The following PSD3 variants were observed in gnomAD, a reference collection of about 807,000 sequenced individuals.
The protein encoded by PSD3 is pleckstrin and Sec7 domain containing 3.
Under a neutral mutation model 105.5 loss-of-function variants are expected in PSD3, and 49 were observed. The observed-to-expected ratio is 0.46, with a 90% CI of 0.37 to 0.59. The LOEUF (loss-of-function observed/expected upper bound fraction) is 0.59, where lower values mean the gene tolerates loss of function less well. PSD3 is among the 20% of genes least tolerant of loss of function. The pLI is 0.00. For missense variants in PSD3, 1,561 were observed against 1,263.8 expected (o/e 1.24, Z -3.57); for synonymous variants, 557 against 457.8 (o/e 1.22, Z -2.77).
At chr8:18,660,725 T>C (rs1809286307) in intron 9 of PSD3, among the ~76,000 whole-genome samples, 1 of 152,222 alleles carries the variant, frequency 6.6e-6, no homozygotes. Context: ...GTAACTCTGA[T>C]TGGAAGCCTT....
chr8:18,975,319 T>TAAA (rs1563479166), intron 1 of PSD3, among the ~76,000 whole-genome samples: 17 of 120,774 alleles, frequency 1.4e-4, no homozygotes, highest in Admixed American at 6.9e-4. Context: ...CTGAAATTTT[T>TAAA]TTTTTTTTTT....
intron 9 of PSD3, among the ~76,000 whole-genome samples, chr8:18,758,754 T>A (rs1806267760): frequency 6.6e-6 from 1 of 152,168 alleles, no homozygotes; most frequent in South Asian, 2.1e-4. Flanking sequence ...ACAAATTATT[T>A]TTCCTTAAGA....
intron 9 of PSD3, among the ~76,000 whole-genome samples, chr8:18,657,792 A>T (rs1352159595): frequency 6.6e-6 from 1 of 152,246 alleles, no homozygotes; most frequent in Non-Finnish European, 1.5e-5. Context: ...GAAAAGAGAC[A>T]GATCATTAAA....
At chr8:18,600,331 G>A in intron 12 of PSD3, 33 bp downstream of exon 12, 1 of 1,558,142 alleles carries the variant, frequency 6.4e-7, no homozygotes, top group Non-Finnish European at 8.8e-7. Context: ...ATTTCATCGA[G>A]TTTTGTGGAT....
At chr8:18,576,756 G>C (rs1385202424) in intron 12 of PSD3, among the ~76,000 whole-genome samples, 2 of 152,046 alleles carry the variant, frequency 1.3e-5, no homozygotes, top group Non-Finnish European at 2.9e-5. Context: ...TAAATAACTG[G>C]AATGAGGAGA....
chr8:18,678,304 T>A (rs115750250), intron 9 of PSD3, among the ~76,000 whole-genome samples: 4 of 152,314 alleles, frequency 2.6e-5, no homozygotes, highest in African/African-American at 9.6e-5. Flanking sequence ...GGGAGCTCAT[T>A]AGACTGAGGT....
chr8:18,935,587 G>A (rs367856965), intron 2 of PSD3, among the ~76,000 whole-genome samples: 16 of 151,318 alleles, frequency 1.1e-4, no homozygotes, highest in African/African-American at 3.6e-4. Flanking sequence ...GTCCCAGCTA[G>A]TTGGGAGGCT....
intron 4 of PSD3, among the ~76,000 whole-genome samples, chr8:18,812,653 A>T (rs956038327): frequency 6.6e-6 from 1 of 152,168 alleles, no homozygotes; most frequent in African/African-American, 2.4e-5. Flanking sequence ...CAAGACATGA[A>T]AGACCAAAGT....
chr8:18,996,086 C>T (rs1826066533), intron 1 of PSD3, among the ~76,000 whole-genome samples: 1 of 152,030 alleles, frequency 6.6e-6, no homozygotes, highest in South Asian at 2.1e-4. Context: ...TGGTCATCCA[C>T]ACAAGATCCA....
chr8:18,783,974 T>A lies in PSD3; in HGVS notation c.2082+15321A>T, dbSNP rs113759746. 4.7e-3 allele frequency among the ~76,000 whole-genome samples: 723 copies of A among 152,370 alleles called. 7 individuals carry two copies. The highest frequency in any genetic ancestry group is 0.016 in the African/African-American group (678 of 41,584). On this transcript the variant is annotated intron_variant, in intron 8 of 15. Coordinates refer to ENST00000327040, the MANE Select transcript of PSD3 (RefSeq NM_015310.4). ...TATCTTTTAGTTCCTCTTGTAAATT[T>A]TTTTTGGACCTATTGGTTATTTAGG...
chr8:18,772,518 CT>C (rs1298683088), intron 8 of PSD3, among the ~76,000 whole-genome samples: 1 of 151,916 alleles, frequency 6.6e-6, no homozygotes, highest in African/African-American at 2.4e-5. Flanking sequence ...TTCTTTTATT[CT>C]TTTTTTGAAA....
At chr8:18,764,962 C>T (rs1200762936) in intron 9 of PSD3, among the ~76,000 whole-genome samples, 1 of 152,106 alleles carries the variant, frequency 6.6e-6, no homozygotes, top group Non-Finnish European at 1.5e-5. Flanking sequence ...GCTGATGTTA[C>T]CAATAATAAA....
chr8:18,754,222 A>T (rs1805835460), intron 9 of PSD3, among the ~76,000 whole-genome samples: 1 of 152,100 alleles, frequency 6.6e-6, no homozygotes, highest in African/African-American at 2.4e-5. Context: ...TGTCTCTACT[A>T]AAAATACAAA....
chr8:18,934,288 T>C (rs956076201), intron 2 of PSD3, among the ~76,000 whole-genome samples: 1 of 152,186 alleles, frequency 6.6e-6, no homozygotes, highest in Non-Finnish European at 1.5e-5. Flanking sequence ...AGCTGAAAAA[T>C]TAAGGATTGC....
intron 9 of PSD3, chr8:18,733,044 G>A (rs1244322712): frequency 2.6e-5 from 4 of 152,056 alleles, no homozygotes; most frequent in Admixed American, 6.6e-5. Flanking sequence ...ATAGCATCAC[G>A]GACAGCAGCG....
At chr8:18,866,779 C>CTT (rs76054573) in intron 4 of PSD3, among the ~76,000 whole-genome samples, 2 of 142,632 alleles carry the variant, frequency 1.4e-5, no homozygotes, top group African/African-American at 2.6e-5. Context: ...TTAATACTGG[C>CTT]TTTTTTTTTT....
At chr8:18,752,874 T>C (rs1585842533) in intron 9 of PSD3, among the ~76,000 whole-genome samples, 1 of 150,988 alleles carries the variant, frequency 6.6e-6, no homozygotes, top group East Asian at 2.0e-4. Flanking sequence ...GTACCTGTCT[T>C]GCATTCTCAA....
At chr8:18,537,114 T>C (rs1269841784) in intron 15 of PSD3, among the ~76,000 whole-genome samples, 2 of 152,324 alleles carry the variant, frequency 1.3e-5, no homozygotes, top group Admixed American at 6.5e-5. Flanking sequence ...CTGCTAGACA[T>C]TCAGTATGTT....
intron 2 of PSD3, among the ~76,000 whole-genome samples, chr8:18,907,288 G>T (rs1192850526): frequency 6.6e-6 from 1 of 152,054 alleles, no homozygotes; most frequent in Non-Finnish European, 1.5e-5. Context: ...TCCAAGCATG[G>T]TAAATGCCCT....
Sources: gnomAD v4.1 joint callset for allele counts (sites outside exome capture counted in the v4.1 genomes callset) on GRCh38, gnomAD v4.1.1 for gene constraint, MANE v1.5 for transcripts, NCBI Gene and HGNC (gene_info 2026-07-23, HGNC 2026-07-21) for gene names.